The following CSNK1D variants were observed in gnomAD, a reference collection of about 807,000 sequenced individuals.
CSNK1D encodes casein kinase 1 delta, also known as casein kinase I isoform delta.
CSNK1D carries 16 observed loss-of-function variants against 46.6 expected under a neutral mutation model. That is an observed-to-expected ratio of 0.34 (90% CI 0.23 to 0.52). The LOEUF is 0.52. Ranked by LOEUF, CSNK1D falls within the 20% of genes least tolerant of loss-of-function variation. CSNK1D has a pLI of 0.95. For synonymous variants in CSNK1D, 276 were observed against 228.2 expected (o/e 1.21, Z -1.89); for missense variants, 398 against 578.4 (o/e 0.69, Z 3.20).
upstream of CSNK1D, chr17:82,273,703 C>T (rs2051705488): frequency 2.0e-6 from 1 of 493,854 alleles, no homozygotes; most frequent in African/African-American, 2.0e-5. The surrounding 1 kb of genome is among the most constrained non-coding windows in gnomAD (Gnocchi z 5.1). Context: ...CGCGCTGTGA[C>T]GTCACTTCCC....
Position 82,246,639 on chromosome 17 carries a change from C to T in CSNK1D, c.1198-1808G>A, listed in dbSNP as rs1011910325. 2.8e-5 allele frequency: 28 copies of T among 1,003,776 alleles called. 1 individual carries two copies. The highest frequency in any genetic ancestry group is 1.2e-4 in the African/African-American group (7 of 57,584). The allele number at this position is 1,003,776 out of a possible 1,614,324, so 62.2% of individuals were successfully genotyped here. On this transcript the variant is annotated intron_variant, in intron 8 of 8. Transcript: ENST00000314028. ...GACCCAGGCGGAGTCCGGGCTGGGG[C>T]GGGGCCCTACAACTATGGGGGCCTC...
At chr17:82,246,174 G>A in intron 8 of CSNK1D, 1 of 1,540,598 alleles carries the variant, frequency 6.5e-7, no homozygotes, top group Non-Finnish European at 8.7e-7. Context: ...GGGGAGCCCA[G>A]GCACAGAGCA....
Position 82,272,842 on chromosome 17 carries a change from A to G in CSNK1D, c.76+464T>C, listed in dbSNP as rs370652527. 3.9e-3 allele frequency among the ~76,000 whole-genome samples: 595 copies of G among 152,234 alleles called. 2 individuals are homozygous for G. The highest frequency in any genetic ancestry group is 0.028 in the South Asian group (136 of 4,822). On this transcript the variant is annotated intron_variant, in intron 1 of 8. Coordinates refer to ENST00000314028, the MANE Select transcript of CSNK1D (RefSeq NM_001893.6). ...TGTTTACTGCGGTGACCTTAGGCGT[A>G]GAGGAAGCCGACGCCCGCTTCGCGG...
rs1239088521 is a variant in CSNK1D, at chr17:82,255,106, G to A, written c.336+323C>T. On this transcript the variant is annotated intron_variant, in intron 3 of 8. Coordinates refer to ENST00000314028, the MANE Select transcript of CSNK1D (RefSeq NM_001893.6). The surrounding 1 kb of genome is among the most constrained non-coding windows in gnomAD (Gnocchi z 5.9). ...CAGTGAGCTGGGCCGCCGGAGCCTC[G>A]AGAAGCCAGTGAGCTGAGCCGTCGG... 4.7e-5 allele frequency: 18 copies of A among 385,112 alleles called. No homozygotes were observed. The highest frequency in any genetic ancestry group is 2.3e-4 in the African/African-American group (10 of 44,136). 23.9% of individuals were successfully genotyped at this position (385,112 alleles called of 1,614,324 possible).
chr17:82,249,397 G>C lies in CSNK1D; in HGVS notation c.1057+34C>G, dbSNP rs1468100156. On this transcript the variant is annotated intron_variant, in intron 7 of 8. Coordinates refer to ENST00000314028, the MANE Select transcript of CSNK1D (RefSeq NM_001893.6). The surrounding 1 kb of genome is among the most constrained non-coding windows in gnomAD (Gnocchi z 6.7). ...CCAAGACACAAGAAGTCACCCCAGA[G>C]CCAGCCCCAGAGCGCTGGGAGGGGG... is the stretch of plus-strand genomic sequence containing the variant. 10 of 1,531,676 alleles carry C rather than the reference G, an allele frequency of 6.5e-6. No individual in the cohort carries two copies. In the South Asian group the frequency reaches 1.2e-4, roughly 18 times the overall value. The allele number at this position is 1,531,676 out of a possible 1,614,324, so 94.9% of individuals were successfully genotyped here.
chr17:82,270,383 G>A (rs185096169), intron 1 of CSNK1D, among the ~76,000 whole-genome samples: 13 of 152,216 alleles, frequency 8.5e-5, no homozygotes, highest in African/African-American at 2.4e-4. Flanking sequence ...GAAAGTCCCC[G>A]GTAGAAAAAC....
At chr17:82,241,252 C>G (rs754480588), downstream of CSNK1D, among the ~76,000 whole-genome samples, 8 of 151,828 alleles carry the variant, frequency 5.3e-5, no homozygotes, top group African/African-American at 1.9e-4. Context: ...AGGCCTGTGC[C>G]GGGGGAGGTG....
rs1406842524 is a variant in CSNK1D, at chr17:82,273,217, G to C, written c.76+89C>G. 8 of 1,325,194 alleles carry C rather than the reference G, an allele frequency of 6.0e-6. No individual in the cohort carries two copies. In the East Asian group the frequency reaches 1.8e-4, roughly 29 times the overall value. 82.1% of individuals were successfully genotyped at this position (1,325,194 alleles called of 1,614,324 possible). A position where few individuals can be genotyped will look rare whatever the true frequency, so the allele number is the denominator to read the frequency against. On this transcript the variant is annotated intron_variant, in intron 1 of 8. Coordinates refer to ENST00000314028, the MANE Select transcript of CSNK1D (RefSeq NM_001893.6). This position sits in a 1 kb window ranked among gnomAD's most constrained non-coding sequence, Gnocchi z 5.1. ...GGGACTTGCGCGGAGACCCCGCGGG[G>C]GCCACCACTTCCTTCCGCGATCGCG...
In CSNK1D at chr17:82,244,743, C is replaced by T. The variant is rs1395781931; in HGVS notation, c.*38G>A. The stretch of plus-strand genomic sequence containing the variant: ...GCCATTGGTAACAGAGTAGATCAGC[C>T]ATGCATTGTCTGCCCTTCACAGCAA... On this transcript the variant is annotated 3_prime_UTR_variant, in exon 9 of 9. Transcript: ENST00000314028. 6.2e-7 allele frequency: 1 copy of T among 1,613,756 alleles called. No individual in the cohort carries two copies.
chr17:82,240,047 C>T (rs1599565643), downstream of CSNK1D: 1 of 1,233,822 alleles, frequency 8.1e-7, no homozygotes, highest in Non-Finnish European at 1.0e-6. Context: ...CGGAGAGATG[C>T]CATGTCCCTG....
At position 82,248,293 on chromosome 17, in the gene CSNK1D, C is replaced by G. The variant is rs188935779; in HGVS notation, c.1197+582G>C. 2.0e-6 allele frequency: 2 copies of G among 987,466 alleles called. No individual in the cohort carries two copies. The highest frequency in any genetic ancestry group is 6.0e-5 in the Admixed American group (1 of 16,638). The allele number at this position is 987,466 out of a possible 1,614,324, so 61.2% of individuals were successfully genotyped here. On this transcript the variant is annotated intron_variant, in intron 8 of 8. Transcript: ENST00000314028. The surrounding 1 kb of genome is among the most constrained non-coding windows in gnomAD (Gnocchi z 4.1). Reference sequence around the variant, plus strand: ...AAGCCAGAGCGAGGAGAGGAGAGACCGCTGCAGGATGCTGAAGAGGCGGTG... The same window carrying G: ...AAGCCAGAGCGAGGAGAGGAGAGACGGCTGCAGGATGCTGAAGAGGCGGTG...
At position 82,246,034 on chromosome 17, in the gene CSNK1D, G is replaced by A. The variant is rs897265998; in HGVS notation, c.1198-1203C>T. 13 of 1,609,176 alleles carry A rather than the reference G, an allele frequency of 8.1e-6. No homozygotes were observed. The South Asian group carries it at 1.4e-4, about 18-fold the overall frequency. On this transcript the variant is annotated intron_variant, in intron 8 of 8. Transcript: ENST00000314028. ...ACTTGCCGTGGTGTTCGAAAGGAAT[G>A]CTATTCTGAGGTGGGGAAAAGACAG...
chr17:82,257,829 G>GT (rs1469906691), intron 2 of CSNK1D, among the ~76,000 whole-genome samples: 1 of 152,236 alleles, frequency 6.6e-6, no homozygotes, highest in Non-Finnish European at 1.5e-5. Flanking sequence ...CAAACCTGGA[G>GT]TAAGAGGTTA....
chr17:82,247,542 T>G (rs2050881744), intron 8 of CSNK1D: 2 of 985,366 alleles, frequency 2.0e-6, no homozygotes, highest in Admixed American at 1.2e-4. Flanking sequence ...TGGGGAGCAC[T>G]CTGGGCTCCT....
rs750995558 is a variant in CSNK1D at position 82,250,660 on chromosome 17, C to G, written c.885+719G>C. 4 of 175,386 alleles carry G rather than the reference C, an allele frequency of 2.3e-5. No individual in the cohort carries two copies. The highest frequency in any genetic ancestry group is 5.0e-5 in the Non-Finnish European group (4 of 80,190). 10.9% of individuals were successfully genotyped at this position (175,386 alleles called of 1,614,324 possible). On this transcript the variant is annotated intron_variant, in intron 6 of 8. Coordinates refer to ENST00000314028, the MANE Select transcript of CSNK1D (RefSeq NM_001893.6). This position sits in a 1 kb window ranked among gnomAD's most constrained non-coding sequence, Gnocchi z 4.6. Reference sequence around the variant, plus strand: ...CAGCATCTGGAGACCCCGCCCCTCCCTGGCCCCTGCACGACTACTGGACAA... The same window carrying G: ...CAGCATCTGGAGACCCCGCCCCTCCGTGGCCCCTGCACGACTACTGGACAA...
At chr17:82,240,948 G>A (rs569938724), downstream of CSNK1D, among the ~76,000 whole-genome samples, 4 of 152,332 alleles carry the variant, frequency 2.6e-5, no homozygotes, top group East Asian at 7.7e-4. Context: ...GGGAAGGGAA[G>A]GGAAGCCCGG....
At position 82,255,594 on chromosome 17, in the gene CSNK1D, GAC is replaced by G. The variant is rs1324565263; in HGVS notation, c.188-19_188-18del. 3.7e-6 allele frequency: 6 copies of G among 1,614,148 alleles called. No individual in the cohort carries two copies. In the East Asian group the frequency reaches 1.1e-4, roughly 30 times the overall value. On this transcript the variant is annotated intron_variant, in intron 2 of 8. Coordinates refer to ENST00000314028, the MANE Select transcript of CSNK1D (RefSeq NM_001893.6). This position sits in a 1 kb window ranked among gnomAD's most constrained non-coding sequence, Gnocchi z 5.9. ...GGATGCCCACTAGGCAAGGAAATCA[GAC>G]ACAGTGTTTCAGTCCAGGCCCTGCC...
rs1310079987 is a variant in CSNK1D, at chr17:82,273,210, C to T, written c.76+96G>A. On this transcript the variant is annotated intron_variant, in intron 1 of 8. Coordinates refer to ENST00000314028, the MANE Select transcript of CSNK1D (RefSeq NM_001893.6). The surrounding 1 kb of genome is among the most constrained non-coding windows in gnomAD (Gnocchi z 5.1). Reference sequence around the variant, plus strand: ...CGGTGCCGGGACTTGCGCGGAGACCCCGCGGGGGCCACCACTTCCTTCCGC... The same window carrying T: ...CGGTGCCGGGACTTGCGCGGAGACCTCGCGGGGGCCACCACTTCCTTCCGC... 2.3e-6 allele frequency: 3 copies of T among 1,284,248 alleles called. No individual in the cohort carries two copies. The highest frequency in any genetic ancestry group is 3.2e-6 in the Non-Finnish European group (3 of 924,294). The allele number at this position is 1,284,248 out of a possible 1,614,324, so 79.6% of individuals were successfully genotyped here. A position where few individuals can be genotyped will look rare whatever the true frequency, so the allele number is the denominator to read the frequency against.
In CSNK1D at chr17:82,252,713, G is replaced by T. The variant is rs2051045201; in HGVS notation, c.566-109C>A. ...GACTAGCCTCAGACACACATGCCCA[G>T]ATCACTCCAGCTGGCACTTCCAGTG... On this transcript the variant is annotated intron_variant, in intron 4 of 8. Transcript: ENST00000314028. This position sits in a 1 kb window ranked among gnomAD's most constrained non-coding sequence, Gnocchi z 4.6. 7.8e-6 allele frequency: 9 copies of T among 1,150,928 alleles called. 1 individual carries two copies. In the South Asian group the frequency reaches 1.0e-4, roughly 13 times the overall value. The allele number at this position is 1,150,928 out of a possible 1,614,324, so 71.3% of individuals were successfully genotyped here. A position where few individuals can be genotyped will look rare whatever the true frequency, so the allele number is the denominator to read the frequency against.
Sources: gnomAD v4.1 joint callset for allele counts (sites outside exome capture counted in the v4.1 genomes callset) on GRCh38, gnomAD v4.1.1 for gene constraint, Gnocchi (gnomAD v3.1) non-coding constraint, MANE v1.5 for transcripts, NCBI Gene and HGNC (gene_info 2026-07-23, HGNC 2026-07-21) for gene names.